Variants in TPD52L1 observed in about 807,000 individuals in gnomAD.
The protein encoded by TPD52L1 is TPD52 like 1, also known as tumor protein D53.
A neutral mutation model predicts 28.7 loss-of-function variants in TPD52L1; 18 were observed. The ratio of observed to expected loss-of-function variants is 0.63; its 90% CI spans 0.43 to 0.93. The LOEUF (loss-of-function observed/expected upper bound fraction) is 0.93. Among genes scored for constraint, TPD52L1 ranks in the 40% least tolerant of loss-of-function variants. TPD52L1 has a pLI of 0.00. For synonymous variants in TPD52L1, 75 were observed against 88.8 expected, an observed-to-expected ratio of 0.84 and a Z score of 0.88; for missense variants, 203 against 254.8, an observed-to-expected ratio of 0.80 and a Z score of 1.39.
At chr6:125,172,194 TTTCTTTCTTTC>T (rs1433217723) in intron 1 of TPD52L1, among the ~76,000 whole-genome samples, 4 of 129,982 alleles carry the variant, frequency 3.1e-5, no homozygotes, top group South Asian at 2.5e-4. Context: ...TCTTTCTTTC[TTTCTTTCTTTC>T]TTCTTTCTTT....
chr6:125,195,027 A>T (rs998008872), intron 1 of TPD52L1, among the ~76,000 whole-genome samples: 1 of 152,204 alleles, frequency 6.6e-6, no homozygotes, highest in African/African-American at 2.4e-5. Context: ...TTTTAGCAGG[A>T]TTACAACATT....
chr6:125,224,733 A>C (rs1218934969), intron 2 of TPD52L1, among the ~76,000 whole-genome samples: 1 of 152,216 alleles, frequency 6.6e-6, no homozygotes, highest in East Asian at 1.9e-4. Context: ...TTATGAAAAT[A>C]GTTTTCCTTC....
At chr6:125,249,963 A>G (rs2115040609) in intron 4 of TPD52L1, among the ~76,000 whole-genome samples, 1 of 152,284 alleles carries the variant, frequency 6.6e-6, no homozygotes, top group African/African-American at 2.4e-5. Context: ...CAGGTGTGAT[A>G]AACAGGTAAA....
chr6:125,176,086 G>GATTTTCAGGGCA (rs1791807227), intron 1 of TPD52L1, among the ~76,000 whole-genome samples: 14 of 139,434 alleles, frequency 1.0e-4, no homozygotes, highest in Middle Eastern at 7.6e-3. Context: ...CCTTCAGGGT[G>GATTTTCAGGGCA]ATTTTCAGGG....
chr6:125,205,802 G>A (rs892226818), intron 1 of TPD52L1, among the ~76,000 whole-genome samples: 1 of 152,158 alleles, frequency 6.6e-6, no homozygotes, highest in African/African-American at 2.4e-5. Context: ...TCAGAAGATG[G>A]CCACCTTGTA....
intron 1 of TPD52L1, among the ~76,000 whole-genome samples, chr6:125,195,551 T>G (rs983130561): frequency 1.3e-5 from 2 of 152,138 alleles, no homozygotes; most frequent in Non-Finnish European, 2.9e-5. Flanking sequence ...ATTAAGTAAA[T>G]TTTAGATCTA....
intron 2 of TPD52L1, among the ~76,000 whole-genome samples, 195 bp downstream of exon 2, chr6:125,220,388 T>C (rs1214470569): frequency 2.0e-5 from 3 of 152,224 alleles, no homozygotes; most frequent in African/African-American, 7.2e-5. Context: ...ACTTATTAGT[T>C]ACAGTTGTAG....
chr6:125,236,294 C>T (rs1312408884), intron 3 of TPD52L1, among the ~76,000 whole-genome samples: 1 of 152,134 alleles, frequency 6.6e-6, no homozygotes, highest in African/African-American at 2.4e-5. Context: ...AATAGACTTG[C>T]ATTTTTCATG....
rs1790906153 is a variant in TPD52L1, at chr6:125,166,432, TAG to T, written c.19+12464_19+12465del. ...GACCTTGGCTCCTGTTATTCCTCTTTAGATATCCCAGGGTTCCAACAGGAAGT... is the reference window on the plus strand; with the variant it reads ...GACCTTGGCTCCTGTTATTCCTCTTTATATCCCAGGGTTCCAACAGGAAGT... On this transcript the variant is annotated intron_variant, in intron 1 of 6. Transcript: ENST00000534000. Among the ~76,000 whole-genome samples, 3 of 152,162 alleles carry T rather than the reference TAG, an allele frequency of 2.0e-5. No individual in the cohort carries two copies. In the South Asian group the frequency reaches 6.2e-4, roughly 31 times the overall value.
At chr6:125,251,766 T>C (rs1174156472) in intron 4 of TPD52L1, among the ~76,000 whole-genome samples, 1 of 152,234 alleles carries the variant, frequency 6.6e-6, no homozygotes, top group Non-Finnish European at 1.5e-5. Context: ...GACAAAATGT[T>C]TGGAGAAGGC....
chr6:125,167,023 G>A lies in TPD52L1; in HGVS notation c.19+13053G>A, dbSNP rs530484776. 1.7e-4 allele frequency among the ~76,000 whole-genome samples: 26 copies of A among 152,194 alleles called. 1 individual carries two copies. Among genetic ancestry groups the A allele is most frequent in the African/African-American group, 5.3e-4 (22 of 41,512 alleles). ...TGTAATTCCAGCACTTTTGGAGGCC[G>A]AGGCAGGAGGACTGCTTGAACCCAG... On this transcript the variant is annotated intron_variant, in intron 1 of 6. Coordinates refer to ENST00000534000, the MANE Select transcript of TPD52L1 (RefSeq NM_003287.4).
chr6:125,183,989 G>A (rs77437831), intron 1 of TPD52L1, among the ~76,000 whole-genome samples: 1,898 of 152,270 alleles, frequency 0.012, 40 homozygotes, highest in African/African-American at 0.043. Context: ...GAGATAGGGA[G>A]AGCATCTATC....
chr6:125,169,656 G>A (rs968182470), intron 1 of TPD52L1, among the ~76,000 whole-genome samples: 96 of 152,106 alleles, frequency 6.3e-4, no homozygotes, highest in African/African-American at 2.3e-3. Flanking sequence ...CACCTCTGCT[G>A]GTATTGCCTT....
chr6:125,214,671 A>G (rs944248082), intron 1 of TPD52L1, among the ~76,000 whole-genome samples: 1 of 152,144 alleles, frequency 6.6e-6, no homozygotes, highest in African/African-American at 2.4e-5. Context: ...TGTTTCTTTA[A>G]CTTCTCTGTC....
intron 3 of TPD52L1, chr6:125,234,444 T>C (rs140500079): frequency 1.3e-5 from 2 of 152,314 alleles, no homozygotes; most frequent in East Asian, 1.9e-4. Flanking sequence ...GAACACAGAC[T>C]TGAAGCATAT....
intron 3 of TPD52L1, among the ~76,000 whole-genome samples, chr6:125,247,282 T>G (rs984916730): frequency 2.6e-5 from 4 of 151,274 alleles, no homozygotes; most frequent in Non-Finnish European, 5.9e-5. Flanking sequence ...GATTTGAGGG[T>G]TTTTTTTAAT....
chr6:125,208,746 A>G (rs1794323587), intron 1 of TPD52L1, among the ~76,000 whole-genome samples: 1 of 152,170 alleles, frequency 6.6e-6, no homozygotes, highest in South Asian at 2.1e-4. Context: ...TAAGGGAGGT[A>G]AGACACGTAA....
intron 1 of TPD52L1, among the ~76,000 whole-genome samples, chr6:125,179,582 A>AT (rs952892686): frequency 4.6e-5 from 7 of 152,192 alleles, no homozygotes; most frequent in Admixed American, 4.6e-4. Context: ...TTCCCTTTGT[A>AT]TTTAGGCTTC....
chr6:125,263,114 T>A lies in TPD52L1; in HGVS notation c.*152T>A. On this transcript the variant is annotated 3_prime_UTR_variant, in exon 7 of 7. Coordinates refer to ENST00000534000, the MANE Select transcript of TPD52L1 (RefSeq NM_003287.4). ...TGGCCCCTCCAGAAAGTTTAATGAT[T>A]TCCATTTGTATTTGTGTTGATGATG... is the stretch of plus-strand genomic sequence containing the variant. The A allele has an allele frequency of 2.2e-6, 2 of 911,096 alleles. No homozygotes were observed. Among genetic ancestry groups the A allele is most frequent in the South Asian group, 3.7e-5 (2 of 54,728 alleles). 56.4% of individuals were successfully genotyped at this position (911,096 alleles called of 1,614,324 possible).
Sources: gnomAD v4.1 joint callset for allele counts (sites outside exome capture counted in the v4.1 genomes callset) on GRCh38, gnomAD v4.1.1 for gene constraint, MANE v1.5 for transcripts, NCBI Gene and HGNC (gene_info 2026-07-23, HGNC 2026-07-21) for gene names.